The following RPE65 variants were observed in gnomAD, a reference collection of about 807,000 sequenced individuals.
RPE65 encodes retinoid isomerohydrolase RPE65, also known as retinoid isomerohydrolase.
A neutral mutation model predicts 68.5 loss-of-function variants in RPE65; 58 were observed. The ratio of observed to expected loss-of-function variants is 0.85; its 90% CI spans 0.69 to 1.05. The LOEUF is 1.05. Ranked by LOEUF, RPE65 falls within the 50% of genes least tolerant of loss-of-function variation. RPE65 has a pLI of 0.00. For missense variants in RPE65, 643 were observed against 629.9 expected (o/e 1.02, Z -0.22); for synonymous variants, 220 against 222.2 (o/e 0.99, Z 0.09).
In RPE65 at chr1:68,444,504, T is replaced by G. The variant is rs371841247; in HGVS notation, c.495+27A>C. 37 of 1,613,670 alleles carry G rather than the reference T, an allele frequency of 2.3e-5. No homozygotes were observed. The African/African-American group carries it at 4.9e-4, about 22-fold the overall frequency. On this transcript the variant is annotated intron_variant, in intron 5 of 13. Coordinates refer to ENST00000262340, the MANE Select transcript of RPE65 (RefSeq NM_000329.3). Reference sequence around the variant, plus strand: ...TTTTAAGTTCCAAATTCTAAATTCCTGAACATCACCTAGCACTGTGTCCCA... The same window carrying G: ...TTTTAAGTTCCAAATTCTAAATTCCGGAACATCACCTAGCACTGTGTCCCA...
chr1:68,432,578 G>A (rs1213710761), intron 10 of RPE65, among the ~76,000 whole-genome samples: 1 of 152,092 alleles, frequency 6.6e-6, no homozygotes, highest in Non-Finnish European at 1.5e-5. Flanking sequence ...GCATCAAAGA[G>A]TCCAGTGTGG....
intron 5 of RPE65, among the ~76,000 whole-genome samples, chr1:68,442,748 T>C (rs1426032484): frequency 2.6e-5 from 4 of 152,220 alleles, no homozygotes; most frequent in African/African-American, 9.6e-5. Flanking sequence ...AGATTCCCTA[T>C]CAAAGTCAAA....
chr1:68,449,841 C>T, intron 1 of RPE65, 54 bp downstream of exon 1: 2 of 1,593,532 alleles, frequency 1.3e-6, no homozygotes, highest in South Asian at 1.1e-5. Context: ...TGAAATAGCA[C>T]ATTTATCATG....
intron 7 of RPE65, 113 bp from the exon 8 acceptor site, chr1:68,439,436 A>G (rs1165704646): frequency 3.2e-6 from 5 of 1,553,148 alleles, no homozygotes; most frequent in East Asian, 4.5e-5. Context: ...CCTACATGAA[A>G]TTAATTATGT....
At chr1:68,441,271 T>G (rs1172319359) in intron 5 of RPE65, among the ~76,000 whole-genome samples, 1 of 152,200 alleles carries the variant, frequency 6.6e-6, no homozygotes. Flanking sequence ...ACTTTTCTTT[T>G]AGCATATGCA....
At position 68,439,586 on chromosome 1, in the gene RPE65, G is replaced by A. The variant is rs61752895; in HGVS notation, c.700C>T (p.Arg234Ter). Residue 234 changes from arginine to a stop codon, truncating the protein, a stop_gained, in exon 7 of 14, where the codon CGA (arginine) becomes TGA (stop). Transcript: ENST00000262340. LOFTEE classifies it high-confidence loss of function. ...EIVVQFPCSD[R>*]FKPSYVHSFG... Reference sequence around the variant, plus strand: ...CTATGAACGTAAGATGGCTTGAATCGGTCACTGCAGGGGAATTGTACAACG... The same window carrying A: ...CTATGAACGTAAGATGGCTTGAATCAGTCACTGCAGGGGAATTGTACAACG... 1.4e-5 allele frequency: 22 copies of A among 1,613,710 alleles called. No individual in the cohort carries two copies. Among genetic ancestry groups the A allele is most frequent in the Admixed American group, 8.3e-5 (5 of 59,990 alleles).
intron 1 of RPE65, among the ~76,000 whole-genome samples, chr1:68,449,367 T>C (rs1336188661): frequency 1.3e-5 from 2 of 152,224 alleles, no homozygotes; most frequent in African/African-American, 4.8e-5. Context: ...TTGTTTACTT[T>C]CTACATCCTC....
intron 3 of RPE65, 96 bp from the exon 4 acceptor site, chr1:68,444,979 GT>G (rs1645931792): frequency 1.0e-6 from 1 of 1,002,134 alleles, no homozygotes; most frequent in South Asian, 1.3e-5. Context: ...TCCTCATCAA[GT>G]CACAATCATA....
At chr1:68,432,341 T>C (rs1427871305) in intron 10 of RPE65, among the ~76,000 whole-genome samples, 2 of 151,840 alleles carry the variant, frequency 1.3e-5, no homozygotes, top group African/African-American at 4.8e-5. Context: ...ATACCACAAA[T>C]GTGGGGGAAA....
At chr1:68,436,120 G>GTGATCCTC (rs1421619135) in intron 10 of RPE65, among the ~76,000 whole-genome samples, 1 of 152,112 alleles carries the variant, frequency 6.6e-6, no homozygotes, top group Non-Finnish European at 1.5e-5. Context: ...TTTAAGTTAA[G>GTGATCCTC]TGATCCTCTT....
At chr1:68,434,854 C>A (rs938800884) in intron 10 of RPE65, among the ~76,000 whole-genome samples, 1 of 152,052 alleles carries the variant, frequency 6.6e-6, no homozygotes, top group Non-Finnish European at 1.5e-5. Context: ...ACTTTGAACT[C>A]CTGGACTCAA....
chr1:68,445,632 G>A lies in RPE65; in HGVS notation c.246-749C>T, dbSNP rs181033251. On this transcript the variant is annotated intron_variant, in intron 3 of 13. Transcript: ENST00000262340. ...GGGTTCAAGCTATACTCTTGCCTCAGCCTCCCAGGTAGCTGGGACTACAGG... is the reference window on the plus strand; with the variant it reads ...GGGTTCAAGCTATACTCTTGCCTCAACCTCCCAGGTAGCTGGGACTACAGG... Among the ~76,000 whole-genome samples, 189 of 152,164 alleles carry A rather than the reference G, an allele frequency of 1.2e-3. 1 individual carries two copies. Among genetic ancestry groups the A allele is most frequent in the Non-Finnish European group, 2.3e-3 (157 of 68,030 alleles).
At chr1:68,449,874 A>G (rs764216792) in intron 1 of RPE65, 21 bp downstream of exon 1, 1 of 1,613,924 alleles carries the variant, frequency 6.2e-7, no homozygotes, top group Non-Finnish European at 8.5e-7. Flanking sequence ...TGTTTTAAAA[A>G]AGTCTCCCAG....
chr1:68,449,807 C>T, intron 1 of RPE65, 88 bp downstream of exon 1: 5 of 1,470,308 alleles, frequency 3.4e-6, no homozygotes, highest in Non-Finnish European at 4.8e-6. Context: ...GGTCATTAAT[C>T]AATGCCTTCT....
In RPE65 at chr1:68,440,882, T is replaced by C. The variant is rs61752887; in HGVS notation, c.614A>G (p.Asn205Ser). 28 of 1,613,948 alleles carry C rather than the reference T, an allele frequency of 1.7e-5. No individual in the cohort carries two copies. The highest frequency in any genetic ancestry group is 2.3e-5 in the Non-Finnish European group (27 of 1,179,932). Residue 205 changes from asparagine to serine, a missense_variant, in exon 6 of 14, where the codon AAC becomes AGC. Asn to Ser is a conservative substitution (Grantham distance 46, BLOSUM62 1). Transcript: ENST00000262340. ...TTGCAGTGGTGGGATCTTTACAATGTTGTAGGCAATTGAAAAATTTTTTCC... is the reference window on the plus strand; with the variant it reads ...TTGCAGTGGTGGGATCTTTACAATGCTGTAGGCAATTGAAAAATTTTTTCC... ...CFGKNFSIAYNIVKIPPLQAD... is the reference protein window; with the variant it reads ...CFGKNFSIAYSIVKIPPLQAD...
At chr1:68,441,123 C>T (rs1645899735) in intron 5 of RPE65, 123 bp from the exon 6 acceptor site, 6 of 1,147,450 alleles carry the variant, frequency 5.2e-6, no homozygotes, top group Non-Finnish European at 7.6e-6. Flanking sequence ...TCTTTCTTCC[C>T]ATCTCTCTGG....
chr1:68,431,695 G>GTTCCTCCCT, intron 10 of RPE65, 110 bp from the exon 11 acceptor site: 3 of 868,136 alleles, frequency 3.5e-6, no homozygotes, highest in Non-Finnish European at 5.7e-6. Flanking sequence ...TCAACATGCA[G>GTTCCTCCCT]GGAGGAACTG....
intron 3 of RPE65, 95 bp from the exon 4 acceptor site, chr1:68,444,978 A>T: frequency 1.0e-6 from 1 of 1,002,750 alleles, no homozygotes; most frequent in Non-Finnish European, 1.6e-6. Context: ...GTCCTCATCA[A>T]GTCACAATCA....
chr1:68,448,233 T>C (rs1458388297), intron 2 of RPE65, among the ~76,000 whole-genome samples: 2 of 152,074 alleles, frequency 1.3e-5, no homozygotes, highest in Non-Finnish European at 2.9e-5. Flanking sequence ...GAACCAACAT[T>C]CCTCTAATAA....
Sources: allele counts gnomAD v4.1 joint callset (sites outside exome capture counted in the v4.1 genomes callset), GRCh38; gene constraint gnomAD v4.1.1; transcripts MANE v1.5; gene names NCBI Gene and HGNC (gene_info 2026-07-23, HGNC 2026-07-21).